The following MTSS1 variants were observed in gnomAD, a reference collection of about 807,000 sequenced individuals.
The protein encoded by MTSS1 is protein MTSS 1.
MTSS1 carries 18 observed loss-of-function variants against 79.0 expected under a neutral mutation model. The observed-to-expected ratio is 0.23, with a 90% CI of 0.16 to 0.34. The LOEUF (loss-of-function observed/expected upper bound fraction) is 0.34, where lower values mean the gene tolerates loss of function less well. Ranked by LOEUF, MTSS1 falls within the 10% of genes least tolerant of loss-of-function variation. The probability of loss-of-function intolerance (pLI) is 1.00; values close to 1 mark genes in which losing one functional copy is unlikely to be tolerated. For synonymous variants in MTSS1, 341 were observed against 368.6 expected, an observed-to-expected ratio of 0.93 and a Z score of 0.86; for missense variants, 815 against 986.2, an observed-to-expected ratio of 0.83 and a Z score of 2.33.
intron 6 of MTSS1, among the ~76,000 whole-genome samples, chr8:124,572,887 CA>C (rs35350710): frequency 0.3 from 45,222 of 151,260 alleles, 7,308 homozygotes; most frequent in African/African-American, 0.41. Context: ...GCTGGGATTA[CA>C]GGCATGTACC....
chr8:124,568,266 A>G, intron 7 of MTSS1, 113 bp downstream of exon 7: 5 of 1,276,664 alleles, frequency 3.9e-6, no homozygotes, highest in Non-Finnish European at 4.3e-6. Flanking sequence ...AGATACCACC[A>G]TCATGATTCC....
chr8:124,625,478 C>G (rs575141307), intron 3 of MTSS1, among the ~76,000 whole-genome samples: 3 of 152,292 alleles, frequency 2.0e-5, no homozygotes, highest in East Asian at 3.9e-4. Context: ...ACCTAAGGAT[C>G]GCAAATGCTG....
At chr8:124,604,498 A>G (rs1563840543) in intron 3 of MTSS1, among the ~76,000 whole-genome samples, 1 of 152,350 alleles carries the variant, frequency 6.6e-6, no homozygotes, top group East Asian at 1.9e-4. Context: ...AAGCCCCCAA[A>G]AAAGGAAGTA....
rs541928037 is a variant in MTSS1 at position 124,664,354 on chromosome 8, A to G, written c.208+35172T>C. On this transcript the variant is annotated intron_variant, in intron 3 of 13. Transcript: ENST00000518547. ...CTCTAGATAAATGCTCCTCTACCACAGTGCCAGAGGCTGCTTCTCCAAGTA... is the reference window on the plus strand; with the variant it reads ...CTCTAGATAAATGCTCCTCTACCACGGTGCCAGAGGCTGCTTCTCCAAGTA... 1.1e-4 allele frequency among the ~76,000 whole-genome samples: 17 copies of G among 152,322 alleles called. 1 individual carries two copies. The East Asian group carries it at 2.9e-3, about 26-fold the overall frequency.
At chr8:124,573,886 C>T (rs1380029305) in intron 6 of MTSS1, among the ~76,000 whole-genome samples, 1 of 152,172 alleles carries the variant, frequency 6.6e-6, no homozygotes, top group Non-Finnish European at 1.5e-5. Flanking sequence ...GCCCCTTATC[C>T]CCCCACCCCA....
chr8:124,663,472 T>C lies in MTSS1; in HGVS notation c.208+36054A>G, dbSNP rs1315313688. ...CTGAGGCCAGTTAGGAAACCCAGCT[T>C]TGGCATGCATCATCAGCCCAGAACC... On this transcript the variant is annotated intron_variant, in intron 3 of 13. Transcript: ENST00000518547. Among the ~76,000 whole-genome samples, 3 of 152,068 alleles carry C rather than the reference T, an allele frequency of 2.0e-5. No individual in the cohort carries two copies. In the East Asian group the frequency reaches 5.8e-4, roughly 29 times the overall value.
At chr8:124,721,444 T>A (rs1440331986) in intron 1 of MTSS1, among the ~76,000 whole-genome samples, 23 of 134,420 alleles carry the variant, frequency 1.7e-4, no homozygotes, top group African/African-American at 6.2e-4. Flanking sequence ...AGAGTCTCAT[T>A]CTGTCGCCAG....
In MTSS1 at chr8:124,556,221, A is replaced by AAG. The variant is rs760575019; in HGVS notation, c.1404+9_1404+10dup. 1 of 1,614,190 alleles carries AAG rather than the reference A, an allele frequency of 6.2e-7. No homozygotes were observed. The highest frequency in any genetic ancestry group is 1.1e-5 in the South Asian group (1 of 91,074). ...GTGGCCCCAACCAGCTACTGAGAAC[A>AAG]AGAGCATCACCCTGGTGGCAGCCGA... On this transcript the variant is annotated intron_variant, in intron 12 of 13. Coordinates refer to ENST00000518547, the MANE Select transcript of MTSS1 (RefSeq NM_014751.6).
intron 4 of MTSS1, 45 bp from the exon 5 acceptor site, chr8:124,589,756 A>G (rs756891105): frequency 7.6e-7 from 1 of 1,313,470 alleles, no homozygotes; most frequent in South Asian, 1.2e-5. Context: ...AAATAGATAC[A>G]TTCTGTTGTC....
At chr8:124,627,149 C>T (rs1814851785) in intron 3 of MTSS1, among the ~76,000 whole-genome samples, 1 of 152,002 alleles carries the variant, frequency 6.6e-6, no homozygotes, top group Non-Finnish European at 1.5e-5. Context: ...CTTATCCTCC[C>T]CTGCAACCTG....
At chr8:124,623,938 G>A (rs557014132) in intron 3 of MTSS1, among the ~76,000 whole-genome samples, 3 of 152,320 alleles carry the variant, frequency 2.0e-5, no homozygotes, top group East Asian at 1.9e-4. Context: ...GCCACCTTGC[G>A]GGGCCCGCGC....
At chr8:124,565,903 A>C in intron 8 of MTSS1, 144 bp from the exon 9 acceptor site, 1 of 584,194 alleles carries the variant, frequency 1.7e-6, no homozygotes, top group South Asian at 2.2e-5. Flanking sequence ...ATTTTTTTTA[A>C]ATTGAAGAGC....
chr8:124,725,101 C>T (rs375716395), intron 1 of MTSS1, among the ~76,000 whole-genome samples: 2 of 152,186 alleles, frequency 1.3e-5, no homozygotes, highest in Admixed American at 1.3e-4. Flanking sequence ...GGCTTCCTCT[C>T]GTCAAGGAAT....
chr8:124,629,610 C>G (rs1476716327), intron 3 of MTSS1, among the ~76,000 whole-genome samples: 6 of 152,054 alleles, frequency 3.9e-5, no homozygotes, highest in African/African-American at 1.5e-4. Flanking sequence ...TCTGACCTCT[C>G]CCTAAAACAG....
intron 3 of MTSS1, among the ~76,000 whole-genome samples, chr8:124,606,400 C>G (rs1289364567): frequency 6.6e-6 from 1 of 152,098 alleles, no homozygotes; most frequent in African/African-American, 2.4e-5. Flanking sequence ...CCACCTGCCT[C>G]AGCCTCCCAA....
chr8:124,645,251 A>G (rs1818794374), intron 3 of MTSS1, among the ~76,000 whole-genome samples: 1 of 152,110 alleles, frequency 6.6e-6, no homozygotes, highest in Non-Finnish European at 1.5e-5. Flanking sequence ...ATTAGCCAGC[A>G]TGGTGGCGTG....
intron 3 of MTSS1, among the ~76,000 whole-genome samples, chr8:124,684,695 T>C (rs995185941): frequency 1.3e-5 from 2 of 152,196 alleles, no homozygotes; most frequent in Non-Finnish European, 2.9e-5. Context: ...CAACTAAAGA[T>C]AATGAAGTGG....
chr8:124,602,750 A>G (rs1313723477), intron 3 of MTSS1, among the ~76,000 whole-genome samples: 1 of 152,182 alleles, frequency 6.6e-6, no homozygotes, highest in Non-Finnish European at 1.5e-5. Context: ...TGGATCTCTT[A>G]GGTGATCTCC....
At chr8:124,589,438 C>A (rs781368844) in intron 5 of MTSS1, among the ~76,000 whole-genome samples, 182 bp downstream of exon 5, 3 of 152,208 alleles carry the variant, frequency 2.0e-5, no homozygotes, top group African/African-American at 7.2e-5. Flanking sequence ...AGCCTCACAA[C>A]GGGATCACTT....
Sources: gnomAD v4.1 joint callset for allele counts (sites outside exome capture counted in the v4.1 genomes callset) on GRCh38, gnomAD v4.1.1 for gene constraint, MANE v1.5 for transcripts, NCBI Gene and HGNC (gene_info 2026-07-23, HGNC 2026-07-21) for gene names.